The following PDE4DIP variants were observed in gnomAD, a reference collection of about 807,000 sequenced individuals.
The protein encoded by PDE4DIP is myomegalin.
Under a neutral mutation model 221.4 loss-of-function variants are expected in PDE4DIP, and 59 were observed. The observed-to-expected ratio is 0.27, with a 90% confidence interval of 0.22 to 0.33. The LOEUF is 0.33. PDE4DIP is among the 10% of genes least tolerant of loss of function. The pLI is 1.00. For synonymous variants in PDE4DIP, 404 were observed against 815.9 expected, an observed-to-expected ratio of 0.50 and a Z score of 8.60; for missense variants, 1,036 against 2,154.2, an observed-to-expected ratio of 0.48 and a Z score of 10.28.
At chr1:148,892,285 GCGCCC>G (rs2149361698) in intron 1 of PDE4DIP, among the ~76,000 whole-genome samples, 1 of 122,258 alleles carries the variant, frequency 8.2e-6, no homozygotes, top group Non-Finnish European at 1.6e-5. Flanking sequence ...GTGAGCCACT[GCGCCC>G]CACCAGGATT....
chr1:148,983,905 A>T (rs1553546362), intron 21 of PDE4DIP: 1 of 152,108 alleles, frequency 6.6e-6, no homozygotes, highest in Non-Finnish European at 1.5e-5. Flanking sequence ...TGTTTTTCTC[A>T]TGCTTCCCTT....
intron 5 of PDE4DIP, among the ~76,000 whole-genome samples, chr1:148,946,150 T>A (rs1178922639): frequency 6.6e-6 from 1 of 152,086 alleles, no homozygotes; most frequent in Non-Finnish European, 1.5e-5. Flanking sequence ...TAGAATTTCA[T>A]AAAAGTCTAG....
intron 1 of PDE4DIP, among the ~76,000 whole-genome samples, chr1:148,820,555 C>CAAAAAAAA (rs148261220): frequency 1.1e-3 from 43 of 39,264 alleles, no homozygotes; most frequent in South Asian, 1.8e-3. Context: ...AACTCCATCT[C>CAAAAAAAA]AAAAAAAAAA....
At chr1:148,955,240 T>C (rs1414952872) in intron 5 of PDE4DIP, among the ~76,000 whole-genome samples, 2 of 152,284 alleles carry the variant, frequency 1.3e-5, no homozygotes, top group Non-Finnish European at 2.9e-5. Context: ...TTTCTGTGAC[T>C]AGACATAGGT....
intron 36 of PDE4DIP, chr1:149,020,728 T>G (rs1284916903): frequency 7.5e-6 from 3 of 402,642 alleles, no homozygotes; most frequent in African/African-American, 6.0e-5. Flanking sequence ...CTTGTCAGAA[T>G]GCAAAGAGCA....
intron 1 of PDE4DIP, among the ~76,000 whole-genome samples, chr1:148,901,591 A>G (rs10797606): frequency 2.3e-4 from 33 of 140,582 alleles, no homozygotes; most frequent in South Asian, 4.9e-4. Flanking sequence ...AAGGGCTACA[A>G]GCCACCTCTT....
In PDE4DIP at chr1:149,029,670, C is replaced by G. The variant is rs587735145; in HGVS notation, c.6814-117C>G. The G allele has an allele frequency of 4.0e-6, 3 of 749,954 alleles. No homozygotes were observed. The South Asian group carries it at 5.2e-5, about 13-fold the overall frequency. 46.5% of individuals were successfully genotyped at this position (749,954 alleles called of 1,614,324 possible). A position where few individuals can be genotyped will look rare whatever the true frequency, so the allele number is the denominator to read the frequency against. On this transcript the variant is annotated intron_variant, in intron 41 of 43. Transcript: ENST00000369354. ...TATCCGAGGCTGTGAAGGAGGAAAT[C>G]CAGTTCAAGAGAGTTGAGAAGACTG... is the stretch of plus-strand genomic sequence containing the variant.
At chr1:148,919,307 A>G (rs1194772170) in intron 1 of PDE4DIP, among the ~76,000 whole-genome samples, 1 of 151,628 alleles carries the variant, frequency 6.6e-6, no homozygotes, top group Non-Finnish European at 1.5e-5. Context: ...AAATCAAGTT[A>G]ATTGTATAAA....
At chr1:148,966,907 T>C (rs1553519259) in exon 12 of PDE4DIP, 2 of 1,608,218 alleles carry the variant, frequency 1.2e-6, no homozygotes, top group East Asian at 2.2e-5. Flanking sequence ...TTCGTCTTGC[T>C]GTGAGAGAGC....
At chr1:149,009,735 A>T in exon 30 of PDE4DIP, 1 of 1,613,932 alleles carries the variant, frequency 6.2e-7, no homozygotes, top group South Asian at 1.1e-5. Flanking sequence ...TCTGACATGG[A>T]CATAGTCAGC....
At chr1:148,949,786 AATAGCTT>A (rs1172822248) in intron 5 of PDE4DIP, among the ~76,000 whole-genome samples, 3 of 152,040 alleles carry the variant, frequency 2.0e-5, no homozygotes, top group Non-Finnish European at 2.9e-5. Flanking sequence ...ATTCTAGTAC[AATAGCTT>A]ATATCCACTT....
exon 20 of PDE4DIP, chr1:148,979,743 C>G: frequency 6.2e-7 from 1 of 1,612,776 alleles, no homozygotes; most frequent in Non-Finnish European, 8.5e-7. Context: ...TCAGTTGCTG[C>G]TGATGCTAGA....
At chr1:148,859,503 T>C (rs1395113813) in intron 1 of PDE4DIP, among the ~76,000 whole-genome samples, 7 of 152,128 alleles carry the variant, frequency 4.6e-5, no homozygotes, top group Admixed American at 1.3e-4. Flanking sequence ...CATTAGCAGA[T>C]TGATGACGTA....
intron 1 of PDE4DIP, among the ~76,000 whole-genome samples, chr1:148,892,894 G>T (rs1553438422): frequency 6.2e-5 from 6 of 97,300 alleles, no homozygotes; most frequent in East Asian, 7.7e-4. Context: ...TTTATTTTTT[G>T]AGACAGGGTC....
chr1:149,000,682 T>C (rs1553574380), intron 23 of PDE4DIP, among the ~76,000 whole-genome samples: 1 of 151,922 alleles, frequency 6.6e-6, no homozygotes, highest in African/African-American at 2.4e-5. Context: ...TTGGTATTTC[T>C]TAGGTCTGCA....
intron 21 of PDE4DIP, chr1:148,990,493 G>A (rs1416320157): frequency 1.5e-5 from 4 of 263,386 alleles, no homozygotes; most frequent in Non-Finnish European, 2.4e-5. Flanking sequence ...GGTCTTGGAG[G>A]AAGAAGCAAA....
chr1:149,025,156 A>G (rs1423069093), intron 38 of PDE4DIP, among the ~76,000 whole-genome samples: 3 of 150,884 alleles, frequency 2.0e-5, no homozygotes, highest in Non-Finnish European at 2.9e-5. Flanking sequence ...CTATCTCTGT[A>G]TTTCACATAA....
intron 1 of PDE4DIP, among the ~76,000 whole-genome samples, chr1:148,821,260 GT>G (rs1669159887): frequency 6.8e-6 from 1 of 147,396 alleles, no homozygotes; most frequent in Non-Finnish European, 1.5e-5. Context: ...TTCTGAGCCT[GT>G]TCTTTTGAGT....
chr1:148,985,230 C>T (rs1165565238), intron 21 of PDE4DIP: 5 of 151,906 alleles, frequency 3.3e-5, no homozygotes, highest in Admixed American at 6.6e-5. Flanking sequence ...CCATTTGTAC[C>T]GTAGAAAGAA....
Sources: gnomAD v4.1 joint callset for allele counts (sites outside exome capture counted in the v4.1 genomes callset) on GRCh38, gnomAD v4.1.1 for gene constraint, MANE v1.5 for transcripts, NCBI Gene and HGNC (gene_info 2026-07-23, HGNC 2026-07-21) for gene names.